The following GGA2 variants were observed in gnomAD, a reference collection of about 807,000 sequenced individuals.
GGA2 encodes golgi associated, gamma adaptin ear containing, ARF binding protein 2, also known as ADP-ribosylation factor-binding protein GGA2.
Under a neutral mutation model 79.5 loss-of-function variants are expected in GGA2, and 48 were observed. The observed-to-expected ratio is 0.60, with a 90% CI of 0.48 to 0.77. GGA2 has a LOEUF of 0.77. GGA2 is among the 30% of genes least tolerant of loss of function. GGA2 has a pLI of 0.00. For missense variants in GGA2, 770 were observed against 774.0 expected, an observed-to-expected ratio of 0.99 and a Z score of 0.06; for synonymous variants, 317 against 302.0, an observed-to-expected ratio of 1.05 and a Z score of -0.51.
chr16:23,491,319 A>AC (rs1444972555), intron 5 of GGA2, among the ~76,000 whole-genome samples: 1 of 151,436 alleles, frequency 6.6e-6, no homozygotes, highest in Non-Finnish European at 1.5e-5. Context: ...AAAAAAAAAA[A>AC]AAAAAAAAAA....
chr16:23,484,374 C>T (rs11074561), intron 8 of GGA2, among the ~76,000 whole-genome samples: 99,516 of 151,866 alleles, frequency 0.66, 35,724 homozygotes, highest in Non-Finnish European at 0.81. Flanking sequence ...GCTGAGATCA[C>T]GCAATTGCAC....
intron 4 of GGA2, among the ~76,000 whole-genome samples, chr16:23,492,334 C>T (rs1157437305): frequency 6.6e-6 from 1 of 152,166 alleles, no homozygotes; most frequent in Non-Finnish European, 1.5e-5. Context: ...CCCACATCCC[C>T]CCACCTGTGG....
At chr16:23,508,080 T>G (rs1465010124) in intron 1 of GGA2, among the ~76,000 whole-genome samples, 1 of 150,916 alleles carries the variant, frequency 6.6e-6, no homozygotes, top group Non-Finnish European at 1.5e-5. Flanking sequence ...TTTTTTTTTT[T>G]GAGACAGAAT....
chr16:23,509,623 A>G (rs1156335421), intron 1 of GGA2, among the ~76,000 whole-genome samples: 2 of 152,002 alleles, frequency 1.3e-5, no homozygotes, highest in African/African-American at 4.8e-5. Context: ...CGGAGATAAT[A>G]ATAACCCCTA....
chr16:23,515,980 A>G (rs1965100338), intron 2 of GGA2, among the ~76,000 whole-genome samples: 2 of 151,264 alleles, frequency 1.3e-5, no homozygotes, highest in South Asian at 4.2e-4. Flanking sequence ...CTGGGATTAC[A>G]ATTACAGGCA....
chr16:23,469,900 G>C, intron 15 of GGA2, 96 bp downstream of exon 15: 1 of 905,546 alleles, frequency 1.1e-6, no homozygotes, highest in Non-Finnish European at 1.6e-6. Flanking sequence ...TTTGAGTGAA[G>C]ATTCTTTCCT....
chr16:23,498,991 A>G (rs1219176332), intron 1 of GGA2, among the ~76,000 whole-genome samples: 1 of 152,120 alleles, frequency 6.6e-6, no homozygotes, highest in African/African-American at 2.4e-5. Context: ...GAGGGAGAGA[A>G]GAGCAGAGGC....
upstream of GGA2, chr16:23,523,337 G>T (rs1965171142): frequency 6.6e-6 from 1 of 152,230 alleles, no homozygotes; most frequent in Admixed American, 6.5e-5. Flanking sequence ...AAGTCATGGA[G>T]GAAGGACGAG....
intron 9 of GGA2, among the ~76,000 whole-genome samples, chr16:23,482,451 C>A (rs1030321469): frequency 5.9e-5 from 9 of 152,140 alleles, no homozygotes; most frequent in African/African-American, 2.2e-4. Flanking sequence ...AGATTTTCCA[C>A]AATAAAGAGT....
intron 1 of GGA2, among the ~76,000 whole-genome samples, chr16:23,502,658 A>C (rs1221794774): frequency 6.6e-6 from 1 of 152,220 alleles, no homozygotes. Context: ...GGAGAGGAGC[A>C]GCGGTTCTCA....
In GGA2 at chr16:23,507,168, C is replaced by T. The variant is rs865884919; in HGVS notation, c.91+3153G>A. 4.6e-5 allele frequency among the ~76,000 whole-genome samples: 7 copies of T among 152,298 alleles called. No individual in the cohort carries two copies. The South Asian group carries it at 1.4e-3, about 32-fold the overall frequency. ...CCACACATTTATTCTGCCTGGCCTT[C>T]CCCAAATTATGGGCCAAAGTAGGCA... On this transcript the variant is annotated intron_variant, in intron 1 of 16. Transcript: ENST00000309859.
chr16:23,517,909 T>C (rs1242456661), intron 2 of GGA2, among the ~76,000 whole-genome samples: 1 of 151,482 alleles, frequency 6.6e-6, no homozygotes, highest in Non-Finnish European at 1.5e-5. Flanking sequence ...TATTTATTTA[T>C]TTATTTACTT....
chr16:23,467,405 C>CACACACACAA lies in GGA2; in HGVS notation c.*184_*185insTTGTGTGTGT. ...CTCCCCGAACACACACACACACACA[C>CACACACACAA]ACACACACACACACACACACACACA... is the stretch of plus-strand genomic sequence containing the variant. On this transcript the variant is annotated 3_prime_UTR_variant, in exon 17 of 17. Coordinates refer to ENST00000309859, the MANE Select transcript of GGA2 (RefSeq NM_015044.4). 1 of 568,166 alleles carries CACACACACAA rather than the reference C, an allele frequency of 1.8e-6. No individual in the cohort carries two copies. The highest frequency in any genetic ancestry group is 2.8e-5 in the Admixed American group (1 of 35,610). 35.2% of individuals were successfully genotyped at this position (568,166 alleles called of 1,614,324 possible).
chr16:23,518,747 G>A (rs911919689), intron 2 of GGA2, among the ~76,000 whole-genome samples: 1 of 152,176 alleles, frequency 6.6e-6, no homozygotes, highest in Non-Finnish European at 1.5e-5. Flanking sequence ...ACCAGCTGAT[G>A]AGTGCCATTT....
chr16:23,522,630 G>A (rs1157615107), upstream of GGA2: 4 of 152,116 alleles, frequency 2.6e-5, no homozygotes, highest in Non-Finnish European at 4.4e-5. Flanking sequence ...GGACTCTATG[G>A]GGCTCAACAA....
rs567531166 is a variant in GGA2, at chr16:23,478,460, G to C, written c.1200C>G (p.Ser400=). Residue 400 remains serine, a synonymous_variant, in exon 13 of 17, where the codon TCC becomes TCG. Coordinates refer to ENST00000309859, the MANE Select transcript of GGA2 (RefSeq NM_015044.4). ...QNCCEEKRNP[S]SSTLPGGGVQ... ...CACCACCGCCTGGCAGCGTGCTGGA[G>C]GAGGGATTCCTCTTTTCCTCACAGC... The C allele has an allele frequency of 6.2e-7, 1 of 1,610,828 alleles. No individual in the cohort carries two copies. Among genetic ancestry groups the C allele is most frequent in the African/African-American group, 1.3e-5 (1 of 74,972 alleles).
chr16:23,489,527 A>G (rs894677653), intron 5 of GGA2, among the ~76,000 whole-genome samples: 2 of 152,258 alleles, frequency 1.3e-5, no homozygotes, highest in African/African-American at 4.8e-5. Context: ...GGCGTGAGCC[A>G]CCATGCCCAG....
intron 12 of GGA2, 185 bp downstream of exon 12, chr16:23,478,698 G>A (rs1269172890): frequency 1.4e-6 from 1 of 735,936 alleles, no homozygotes; most frequent in Admixed American, 2.0e-5. Context: ...GGAGCCTGGT[G>A]CAACCTGTCT....
Position 23,465,576 on chromosome 16 carries a change from C to T in GGA2, c.*2014G>A. 1.6e-6 allele frequency: 1 copy of T among 612,910 alleles called. No individual in the cohort carries two copies. Among genetic ancestry groups the T allele is most frequent in the Non-Finnish European group, 2.9e-6 (1 of 341,962 alleles). The allele number at this position is 612,910 out of a possible 1,614,324, so 38.0% of individuals were successfully genotyped here. A position where few individuals can be genotyped will look rare whatever the true frequency, so the allele number is the denominator to read the frequency against. ...CTCATTCACCCATTTTGACCAAAAC[C>T]CTTCAGAGGGAGATGCTGTCATTAT... On this transcript the variant is annotated 3_prime_UTR_variant, in exon 17 of 17. Coordinates refer to ENST00000309859, the MANE Select transcript of GGA2 (RefSeq NM_015044.4).
Sources: gnomAD v4.1 joint callset for allele counts (sites outside exome capture counted in the v4.1 genomes callset) on GRCh38, gnomAD v4.1.1 for gene constraint, MANE v1.5 for transcripts, NCBI Gene and HGNC (gene_info 2026-07-23, HGNC 2026-07-21) for gene names.